Variants in BARX2 observed in about 807,000 individuals in gnomAD.
BARX2 encodes BARX homeobox 2.
A neutral mutation model predicts 25.5 loss-of-function variants in BARX2; 11 were observed. That is an observed-to-expected ratio of 0.43 (90% CI 0.27 to 0.71). The LOEUF is 0.71. BARX2 is among the 30% of genes least tolerant of loss of function. The pLI is 0.19. For missense variants in BARX2, 360 were observed against 359.9 expected, an observed-to-expected ratio of 1.00 and a Z score of 0.00; for synonymous variants, 137 against 149.5, an observed-to-expected ratio of 0.92 and a Z score of 0.61.
chr11:129,413,473 T>G (rs1271630348), intron 1 of BARX2, among the ~76,000 whole-genome samples: 1 of 152,154 alleles, frequency 6.6e-6, no homozygotes, highest in Non-Finnish European at 1.5e-5. Context: ...AAAGGTGAAT[T>G]GGGGCCCAGT....
chr11:129,436,602 T>G lies in BARX2; in HGVS notation c.188-149T>G. The G allele has an allele frequency of 1.2e-6, 1 of 846,836 alleles. No individual in the cohort carries two copies. Among genetic ancestry groups the G allele is most frequent in the Non-Finnish European group, 1.8e-6 (1 of 555,898 alleles). 52.5% of individuals were successfully genotyped at this position (846,836 alleles called of 1,614,324 possible). On this transcript the variant is annotated intron_variant, in intron 1 of 3. Transcript: ENST00000281437. The surrounding 1 kb of genome is among the most constrained non-coding windows in gnomAD (Gnocchi z 4.5). The stretch of plus-strand genomic sequence containing the variant: ...CTGCCCTGCAGCTGTAGGTCTTGAG[T>G]TACCTCTCCTTCCCCTTCCTCCATC...
chr11:129,411,555 C>T (rs75211913), intron 1 of BARX2, among the ~76,000 whole-genome samples: 1 of 152,048 alleles, frequency 6.6e-6, no homozygotes, highest in Non-Finnish European at 1.5e-5. Flanking sequence ...TAGTAAGAAT[C>T]GGGATGAAGC....
chr11:129,424,062 C>T (rs1247838489), intron 1 of BARX2, among the ~76,000 whole-genome samples: 1 of 152,138 alleles, frequency 6.6e-6, no homozygotes, highest in African/African-American at 2.4e-5. Flanking sequence ...ATTGGTGAGG[C>T]TGGCCTCGAA....
chr11:129,386,590 A>G (rs1415429610), intron 1 of BARX2, among the ~76,000 whole-genome samples: 1 of 152,204 alleles, frequency 6.6e-6, no homozygotes, highest in African/African-American at 2.4e-5. Context: ...GTTACCAGCA[A>G]TCAGTGGGCA....
At chr11:129,419,362 A>G (rs1489646961) in intron 1 of BARX2, among the ~76,000 whole-genome samples, 3 of 152,198 alleles carry the variant, frequency 2.0e-5, no homozygotes, top group African/African-American at 4.8e-5. Flanking sequence ...ACTCTTGTTT[A>G]TATCAATTGG....
At chr11:129,440,680 G>A (rs1023497643) in intron 2 of BARX2, among the ~76,000 whole-genome samples, 1 of 152,218 alleles carries the variant, frequency 6.6e-6, no homozygotes, top group African/African-American at 2.4e-5. Context: ...AAGACTCTGT[G>A]TATTATTGGG....
chr11:129,376,069 C>T lies in BARX2; in HGVS notation c.34C>T (p.Pro12Ser). 2 of 1,605,782 alleles carry T rather than the reference C, an allele frequency of 1.2e-6. No individual in the cohort carries two copies. The highest frequency in any genetic ancestry group is 1.7e-6 in the Non-Finnish European group (2 of 1,176,796). The change falls in exon 1 of 4, where the codon CCC becomes TCC. Residue 12 changes from proline to serine, a missense_variant. Around this residue, in one of 3 missense-constraint regions of BARX2, gnomAD observed 240 missense variants for 228.7 expected, o/e 1.05. Transcript: ENST00000281437. This position sits in a 1 kb window ranked among gnomAD's most constrained non-coding sequence, Gnocchi z 4.2. ...CCACGCCGAGCTGAGGCTGAGCTCG[C>T]CCGGCCAGCTCAAAGCAGCCAGGCG... Reference protein sequence around the residue: ...HCHAELRLSSPGQLKAARRRY... With the variant: ...HCHAELRLSSSGQLKAARRRY...
chr11:129,389,089 C>T (rs1861642854), intron 1 of BARX2, among the ~76,000 whole-genome samples: 1 of 152,098 alleles, frequency 6.6e-6, no homozygotes, highest in African/African-American at 2.4e-5. Flanking sequence ...GTAATTTCCT[C>T]ATCTGTAAAA....
At position 129,376,140 on chromosome 11, in the gene BARX2, C is replaced by G. The variant is rs778798487; in HGVS notation, c.105C>G (p.Thr35=). 4 of 1,613,590 alleles carry G rather than the reference C, an allele frequency of 2.5e-6. No homozygotes were observed. In the African/African-American group the frequency reaches 5.3e-5, roughly 22 times the overall value. ...FMIDEILSKE[T]CDYFEKLSLY... ...TCGACGAGATCCTCTCCAAGGAGAC[C>G]TGCGATTACTTTGAGAAACTTTCCC... Residue 35 remains threonine (T), a synonymous_variant, in exon 1 of 4, where the codon ACC becomes ACG. Coordinates refer to ENST00000281437, the MANE Select transcript of BARX2 (RefSeq NM_003658.5). This position sits in a 1 kb window ranked among gnomAD's most constrained non-coding sequence, Gnocchi z 4.2.
At chr11:129,448,036 CTG>C (rs1862352072) in intron 3 of BARX2, among the ~76,000 whole-genome samples, 1 of 152,216 alleles carries the variant, frequency 6.6e-6, no homozygotes, top group South Asian at 2.1e-4. Flanking sequence ...CCCTTAATAT[CTG>C]TGTGTTAGCT....
intron 1 of BARX2, among the ~76,000 whole-genome samples, chr11:129,433,852 T>C (rs1306305895): frequency 6.6e-6 from 1 of 152,218 alleles, no homozygotes; most frequent in Non-Finnish European, 1.5e-5. Context: ...ACTTGTTTAT[T>C]TGTTTGCTGT....
chr11:129,398,368 T>A (rs1861743362), intron 1 of BARX2, among the ~76,000 whole-genome samples: 1 of 152,134 alleles, frequency 6.6e-6, no homozygotes, highest in African/African-American at 2.4e-5. Context: ...AATGCGCCCC[T>A]GGAGTAGCAT....
At chr11:129,433,223 C>T (rs1438511442) in intron 1 of BARX2, among the ~76,000 whole-genome samples, 6 of 152,304 alleles carry the variant, frequency 3.9e-5, no homozygotes, top group Middle Eastern at 3.4e-3. Flanking sequence ...CGTCAGGCCT[C>T]TCCTGGCAAC....
At chr11:129,439,818 G>A (rs2135413496) in intron 2 of BARX2, among the ~76,000 whole-genome samples, 1 of 152,328 alleles carries the variant, frequency 6.6e-6, no homozygotes, top group East Asian at 1.9e-4. Context: ...ACCCAGTGGA[G>A]TGGGCACCTT....
chr11:129,441,763 C>G (rs1166091737), intron 2 of BARX2, among the ~76,000 whole-genome samples: 1 of 152,180 alleles, frequency 6.6e-6, no homozygotes, highest in East Asian at 1.9e-4. Flanking sequence ...TACAATAAAA[C>G]TTTATTTACA....
intron 1 of BARX2, among the ~76,000 whole-genome samples, chr11:129,392,668 G>GATCATACCAC (rs1861677425): frequency 6.6e-6 from 1 of 152,166 alleles, no homozygotes; most frequent in East Asian, 1.9e-4. Context: ...CTGGAGGGCA[G>GATCATACCAC]TGGTATGATC....
intron 1 of BARX2, among the ~76,000 whole-genome samples, chr11:129,396,288 G>A (rs1245629171): frequency 2.0e-5 from 3 of 151,982 alleles, no homozygotes; most frequent in Admixed American, 2.0e-4. Flanking sequence ...ACTTGATGTA[G>A]GTAATATGTT....
rs528938387 is a variant in BARX2, at chr11:129,430,134, G to T, written c.188-6617G>T. On this transcript the variant is annotated intron_variant, in intron 1 of 3. Coordinates refer to ENST00000281437, the MANE Select transcript of BARX2 (RefSeq NM_003658.5). ...GAGAGCGGGATATTCCCGGAATTCT[G>T]CTGATGGAAATTCCCCAGGAGACTC... Among the ~76,000 whole-genome samples, 21 of 152,278 alleles carry T rather than the reference G, an allele frequency of 1.4e-4. 1 individual carries two copies. In the South Asian group the frequency reaches 4.3e-3, roughly 32 times the overall value.
rs181753850 is a variant in BARX2 at position 129,418,678 on chromosome 11, T to G, written c.188-18073T>G. ...CTATCACGAATGAAAACATATCCTT[T>G]ATACTGCCTTTTTCTTTTGGGAATT... is the stretch of plus-strand genomic sequence containing the variant. On this transcript the variant is annotated intron_variant, in intron 1 of 3. Transcript: ENST00000281437. Among the ~76,000 whole-genome samples, 501 of 152,304 alleles carry G rather than the reference T, an allele frequency of 3.3e-3. 6 individuals carry two copies. The highest frequency in any genetic ancestry group is 0.011 in the African/African-American group (473 of 41,570).
Sources: allele counts gnomAD v4.1 joint callset (sites outside exome capture counted in the v4.1 genomes callset), GRCh38; gene constraint gnomAD v4.1.1; regional missense constraint gnomAD v4.1.1; non-coding constraint Gnocchi (gnomAD v3.1); transcripts MANE v1.5; gene names NCBI Gene and HGNC (gene_info 2026-07-23, HGNC 2026-07-21).